Variants in CAND2 observed in about 807,000 individuals in gnomAD.
The protein encoded by CAND2 is cullin associated and neddylation dissociated 2 (putative).
In CAND2, 62 loss-of-function variants were observed where a neutral mutation model predicts 98.9. That is an observed-to-expected ratio of 0.63 (90% CI 0.51 to 0.77). The LOEUF (loss-of-function observed/expected upper bound fraction) is 0.77. Among genes scored for constraint, CAND2 ranks in the 30% least tolerant of loss-of-function variants. The probability of loss-of-function intolerance (pLI) is 0.00; values close to 1 mark genes in which losing one functional copy is unlikely to be tolerated. For missense variants in CAND2, 1,501 were observed against 1,655.2 expected, an observed-to-expected ratio of 0.91 and a Z score of 1.62; for synonymous variants, 770 against 731.9, an observed-to-expected ratio of 1.05 and a Z score of -0.84.
chr3:12,824,031 C>T (rs180674492), intron 11 of CAND2, among the ~76,000 whole-genome samples: 84 of 152,092 alleles, frequency 5.5e-4, no homozygotes, highest in African/African-American at 1.8e-3. Flanking sequence ...AATGGCTGGG[C>T]GTAATGGCTC....
At position 12,799,370 on chromosome 3, in the gene CAND2, A is replaced by G. The variant is rs144248936; in HGVS notation, c.68+2582A>G. ...TTGATAAATGGCAAGACTAGTAAGTATACTCACTTAAAGCCAAACTTTGGT... is the reference window on the plus strand; with the variant it reads ...TTGATAAATGGCAAGACTAGTAAGTGTACTCACTTAAAGCCAAACTTTGGT... On this transcript the variant is annotated intron_variant, in intron 1 of 14. Coordinates refer to ENST00000456430, the MANE Select transcript of CAND2 (RefSeq NM_001162499.2). Among the ~76,000 whole-genome samples, 4 of 152,334 alleles carry G rather than the reference A, an allele frequency of 2.6e-5. No homozygotes were observed. In the East Asian group the frequency reaches 7.7e-4, roughly 29 times the overall value.
intron 13 of CAND2, 139 bp from the exon 14 acceptor site, chr3:12,831,326 A>G: frequency 1.0e-5 from 7 of 692,816 alleles, no homozygotes; most frequent in South Asian, 8.0e-5. Flanking sequence ...CCAGAGAGGG[A>G]GAGACTCTGG....
At position 12,830,098 on chromosome 3, in the gene CAND2, A is replaced by T. The variant is rs1026287259; in HGVS notation, c.3376-1367A>T. Among the ~76,000 whole-genome samples, 4 of 152,298 alleles carry T rather than the reference A, an allele frequency of 2.6e-5. No homozygotes were observed. In the East Asian group the frequency reaches 7.7e-4, roughly 29 times the overall value. On this transcript the variant is annotated intron_variant, in intron 13 of 14. Transcript: ENST00000456430. ...CAGCGGGCGTGCCTCTGACCACTCC[A>T]GACTTGGAGTTCCTGGGACGCTCCT...
Position 12,812,221 on chromosome 3 carries a change from C to CTTTTTTTTTTTTTTTTTTTTTT in CAND2, c.758-750_758-749insTTTTTTTTTTTTTTTTTTTTTT, listed in dbSNP as rs531439250. Among the ~76,000 whole-genome samples, 40 of 74,506 alleles carry CTTTTTTTTTTTTTTTTTTTTTT rather than the reference C, an allele frequency of 5.4e-4. 7 individuals carry two copies. The highest frequency in any genetic ancestry group is 9.0e-4 in the South Asian group (2 of 2,224). 48.9% of individuals were successfully genotyped at this position (74,506 alleles called of 152,430 possible). On this transcript the variant is annotated intron_variant, in intron 5 of 14. Transcript: ENST00000456430. The stretch of plus-strand genomic sequence containing the variant: ...ACCATGCCCGGCCTAAGCTGTTTAT[C>CTTTTTTTTTTTTTTTTTTTTTT]TTTTTTTTTTTTTTTTTTTGGAGAT...
At chr3:12,824,227 A>G (rs2124867080) in intron 11 of CAND2, among the ~76,000 whole-genome samples, 1 of 152,350 alleles carries the variant, frequency 6.6e-6, no homozygotes, top group South Asian at 2.1e-4. Flanking sequence ...CCTAGAACTT[A>G]AAGTATAATA....
rs780431641 is a variant in CAND2 at position 12,817,789 on chromosome 3, CG to C, written c.2863del (p.Val955TrpfsTer12). 3.9e-6 allele frequency: 6 copies of C among 1,532,078 alleles called. No homozygotes were observed. The highest frequency in any genetic ancestry group is 2.1e-5 in the Admixed American group (1 of 46,894). The allele number at this position is 1,532,078 out of a possible 1,614,324, so 94.9% of individuals were successfully genotyped here. ...CTGCGAGGGTGCTGAGGAGGGCACC[CG>C]GGGGGTGGTGGCCGAGTGCATTGGG... Reference protein sequence around the residue: ...QRCEGAEEGTRGVVAECIGKL... With the variant: ...QRCEGAEEGTXGVVAECIGKL... On this transcript the variant is annotated frameshift_variant, in exon 10 of 15. Transcript: ENST00000456430. LOFTEE classifies it high-confidence loss of function.
chr3:12,819,550 G>A (rs185000061), intron 10 of CAND2, among the ~76,000 whole-genome samples: 264 of 152,324 alleles, frequency 1.7e-3, no homozygotes, highest in Admixed American at 2.0e-3. Flanking sequence ...GAGGTGATCC[G>A]AGTTCTGTTA....
chr3:12,805,179 A>G (rs916517052), intron 2 of CAND2, among the ~76,000 whole-genome samples: 6 of 152,188 alleles, frequency 3.9e-5, no homozygotes, highest in Non-Finnish European at 8.8e-5. Flanking sequence ...AGAAGCCTGC[A>G]TCTACACGTG....
chr3:12,805,927 C>G (rs943787602), intron 2 of CAND2, among the ~76,000 whole-genome samples: 5 of 152,062 alleles, frequency 3.3e-5, no homozygotes, highest in African/African-American at 1.2e-4. Flanking sequence ...GACCAAGGAC[C>G]CCCATAAATT....
At position 12,827,602 on chromosome 3, in the gene CAND2, C is replaced by A; in HGVS notation, c.3373C>A (p.Arg1125=). 1.2e-6 allele frequency: 2 copies of A among 1,606,798 alleles called. No homozygotes were observed. Among genetic ancestry groups the A allele is most frequent in the South Asian group, 1.1e-5 (1 of 90,080 alleles). Residue 1125 remains arginine (R), a splice_region_variant and synonymous_variant, in exon 13 of 15, where the codon CGG becomes AGG. Transcript: ENST00000456430. ...CGGGCTGAAGGACCACTACGACATC[C>A]GGGTAAGACCAAGCCCCCTGCCAGA... ...EDGLKDHYDI[R]MLTFIMVARL... is the part of the protein sequence containing the mutation.
rs1575781190 is a variant in CAND2 at position 12,826,694 on chromosome 3, CAT to C, written c.3211-745_3211-744del. ...CTCAAAGTGCTGGGAGGACAGCCAT[CAT>C]GCCCAACCTACCTGGGTTTTAAATT... On this transcript the variant is annotated intron_variant, in intron 12 of 14. Transcript: ENST00000456430. Among the ~76,000 whole-genome samples, 3 of 152,044 alleles carry C rather than the reference CAT, an allele frequency of 2.0e-5. No individual in the cohort carries two copies. In the East Asian group the frequency reaches 5.8e-4, roughly 30 times the overall value.
In CAND2 at chr3:12,833,971, G is replaced by A; in HGVS notation, c.3700G>A (p.Glu1234Lys). 6.2e-7 allele frequency: 1 copy of A among 1,613,934 alleles called. No homozygotes were observed. The highest frequency in any genetic ancestry group is 1.3e-5 in the African/African-American group (1 of 75,026). The change falls in exon 15 of 15, where the codon GAG (glutamate) becomes AAG (lysine). Residue 1234 changes from glutamate (E) to lysine (K), a missense_variant. Transcript: ENST00000456430. ...SASAPSTDSM[E>K]LS Reference sequence around the variant, plus strand: ...TTCAGCCCCCAGCACAGACTCAATGGAGCTCAGCTAGTCCCCTCAGCACCA... The same window carrying A: ...TTCAGCCCCCAGCACAGACTCAATGAAGCTCAGCTAGTCCCCTCAGCACCA...
chr3:12,815,291 A>G lies in CAND2; in HGVS notation c.1157A>G (p.Lys386Arg), dbSNP rs776527631. ...TLAPVLIRRF[K>R]EREENVKADV... ...GCACCTGTGCTCATCCGCCGCTTCA[A>G]AGAACGCGAGGAGAACGTCAAGGCT... is the stretch of plus-strand genomic sequence containing the variant. Residue 386 changes from lysine (K) to arginine (R), a missense_variant, in exon 8 of 15, where the codon AAA (lysine) becomes AGA (arginine). Lys to Arg is a conservative substitution (Grantham distance 26). This residue lies in a region of CAND2 where 1,427 missense variants were observed against 1,545.3 expected (regional missense o/e 0.92). Transcript: ENST00000456430. This position sits in a 1 kb window ranked among gnomAD's most constrained non-coding sequence, Gnocchi z 5.7. 1 of 1,613,990 alleles carries G rather than the reference A, an allele frequency of 6.2e-7. No homozygotes were observed. The highest frequency in any genetic ancestry group is 8.5e-7 in the Non-Finnish European group (1 of 1,180,034).
At chr3:12,807,894 C>T (rs1338363187) in intron 3 of CAND2, among the ~76,000 whole-genome samples, 1 of 152,200 alleles carries the variant, frequency 6.6e-6, no homozygotes, top group Non-Finnish European at 1.5e-5. Flanking sequence ...AGCTGGATCA[C>T]CCAGCCACTC....
intron 11 of CAND2, among the ~76,000 whole-genome samples, chr3:12,821,855 T>G (rs539902139): frequency 6.6e-6 from 1 of 152,314 alleles, no homozygotes; most frequent in Non-Finnish European, 1.5e-5. Context: ...TGGCTGGCGA[T>G]GGTAACTTTG....
intron 4 of CAND2, among the ~76,000 whole-genome samples, chr3:12,808,770 G>A (rs561334075): frequency 6.6e-6 from 1 of 152,194 alleles, no homozygotes; most frequent in Non-Finnish European, 1.5e-5. Context: ...CTGAGCCTTC[G>A]AGGAGGGGCA....
rs1453053717 is a variant in CAND2, at chr3:12,817,446, G to A, written c.2514G>A (p.Gly838=). 1.9e-6 allele frequency: 3 copies of A among 1,613,716 alleles called. No individual in the cohort carries two copies. The highest frequency in any genetic ancestry group is 1.1e-5 in the South Asian group (1 of 91,078). ...CDARSPHSST[G]VKVLAFLSLA... ...CCAGGTCGCCCCACTCCAGCACGGG[G>A]GTCAAGGTCCTGGCATTCTTGTCGC... Residue 838 remains glycine, a synonymous_variant, in exon 10 of 15, where the codon GGG becomes GGA. Coordinates refer to ENST00000456430, the MANE Select transcript of CAND2 (RefSeq NM_001162499.2).
In CAND2 at chr3:12,825,626, A is replaced by T. The variant is rs1238547931; in HGVS notation, c.3197A>T (p.Asp1066Val). The change falls in exon 12 of 15, where the codon GAC (aspartate) becomes GTC (valine). Residue 1066 changes from aspartate (D) to valine (V), a missense_variant. By Grantham distance (152) the Asp-to-Val change is radical. Transcript: ENST00000456430. The stretch of plus-strand genomic sequence containing the variant: ...TACCAGGAGACAAAGATCCGGCGGG[A>T]CCTCATCCGAGAGGTGTGGAGCAGA... ...LLYQETKIRRDLIREVEMGPF... is the reference protein window; with the variant it reads ...LLYQETKIRRVLIREVEMGPF... 6.3e-7 allele frequency: 1 copy of T among 1,597,238 alleles called. No individual in the cohort carries two copies. Among genetic ancestry groups the T allele is most frequent in the African/African-American group, 1.3e-5 (1 of 74,796 alleles).
intron 5 of CAND2, among the ~76,000 whole-genome samples, chr3:12,812,267 A>G (rs1575768960): frequency 8.1e-6 from 1 of 122,990 alleles, no homozygotes; most frequent in Non-Finnish European, 1.6e-5. Flanking sequence ...TCTGTCCCCC[A>G]GGCTGGAGTA....
Sources: allele counts gnomAD v4.1 joint callset (sites outside exome capture counted in the v4.1 genomes callset), GRCh38; gene constraint gnomAD v4.1.1; regional missense constraint gnomAD v4.1.1; non-coding constraint Gnocchi (gnomAD v3.1); transcripts MANE v1.5; gene names NCBI Gene and HGNC (gene_info 2026-07-23, HGNC 2026-07-21).